B3GALT1: variants seen among roughly 807,000 people sequenced by gnomAD.
B3GALT1 encodes beta-1,3-galactosyltransferase 1.
B3GALT1 carries 10 observed loss-of-function variants against 23.2 expected under a neutral mutation model. The ratio of observed to expected loss-of-function variants is 0.43; its 90% CI spans 0.27 to 0.73. B3GALT1 has a LOEUF of 0.73. Ranked by LOEUF, B3GALT1 falls within the 30% of genes least tolerant of loss-of-function variation. The probability of loss-of-function intolerance (pLI) is 0.21; values close to 1 mark genes in which losing one functional copy is unlikely to be tolerated. For missense variants in B3GALT1, 299 were observed against 405.4 expected, an observed-to-expected ratio of 0.74 and a Z score of 2.25; for synonymous variants, 156 against 141.5, an observed-to-expected ratio of 1.10 and a Z score of -0.73.
chr2:167,608,633 G>A (rs773512278), intron 2 of B3GALT1, among the ~76,000 whole-genome samples: 1 of 152,212 alleles, frequency 6.6e-6, no homozygotes, highest in East Asian at 1.9e-4. Flanking sequence ...TTTAGCATAG[G>A]AAGTTCTGAT....
At chr2:167,728,036 C>G (rs1039158844) in intron 3 of B3GALT1, among the ~76,000 whole-genome samples, 3 of 152,150 alleles carry the variant, frequency 2.0e-5, no homozygotes, top group African/African-American at 7.2e-5. Flanking sequence ...TACCTTTAAT[C>G]GCAGTGTCTG....
At chr2:167,366,159 AG>A (rs1325626522) in intron 1 of B3GALT1, among the ~76,000 whole-genome samples, 2 of 152,230 alleles carry the variant, frequency 1.3e-5, no homozygotes, top group Admixed American at 6.5e-5. Context: ...TATGTGTAAA[AG>A]TATAGCAACA....
intron 2 of B3GALT1, among the ~76,000 whole-genome samples, chr2:167,613,195 G>A (rs1394395753): frequency 2.0e-5 from 3 of 151,746 alleles, no homozygotes; most frequent in East Asian, 1.9e-4. Flanking sequence ...TTTATCCTAC[G>A]TAAATAATTG....
intron 1 of B3GALT1, among the ~76,000 whole-genome samples, chr2:167,446,738 C>T (rs1025191622): frequency 1.3e-5 from 2 of 152,198 alleles, no homozygotes; most frequent in African/African-American, 2.4e-5. Flanking sequence ...CTTCTCTACA[C>T]TGGTTATTCT....
chr2:167,518,698 T>A (rs1700138612), intron 2 of B3GALT1, among the ~76,000 whole-genome samples: 1 of 152,198 alleles, frequency 6.6e-6, no homozygotes, highest in South Asian at 2.1e-4. Context: ...TGAATCAAGT[T>A]CTCATCCTCT....
intron 4 of B3GALT1, among the ~76,000 whole-genome samples, chr2:167,819,720 C>T (rs1374397357): frequency 3.9e-5 from 6 of 152,142 alleles, no homozygotes; most frequent in Admixed American, 2.0e-4. Context: ...TGGAAGGTGG[C>T]GGGTAGCTCT....
chr2:167,713,955 GA>G (rs1487064156), intron 3 of B3GALT1: 11 of 1,562,258 alleles, frequency 7.0e-6, no homozygotes, highest in Non-Finnish European at 8.8e-6. Flanking sequence ...GTATCCACTG[GA>G]AACAATGGAC....
chr2:167,780,605 G>A lies in B3GALT1; in HGVS notation c.-351-38067G>A, dbSNP rs1031870309. ...GATGCACACTTTATTGGTAAAGCCC[G>A]AATTATTGACTGGATTGCTATATTT... On this transcript the variant is annotated intron_variant, in intron 3 of 4. Transcript: ENST00000392690. 2.0e-5 allele frequency among the ~76,000 whole-genome samples: 3 copies of A among 152,124 alleles called. No individual in the cohort carries two copies. The East Asian group carries it at 5.8e-4, about 29-fold the overall frequency.
intron 3 of B3GALT1, among the ~76,000 whole-genome samples, chr2:167,678,820 A>C (rs1686473706): frequency 6.6e-6 from 1 of 152,178 alleles, no homozygotes; most frequent in Non-Finnish European, 1.5e-5. Flanking sequence ...TTCTGGATAC[A>C]CTTTACGTAA....
chr2:167,574,724 G>A (rs554973649), intron 2 of B3GALT1, among the ~76,000 whole-genome samples: 41 of 151,826 alleles, frequency 2.7e-4, no homozygotes, highest in Non-Finnish European at 5.6e-4. Context: ...AATTTAGGAA[G>A]TGTATAGGGC....
chr2:167,691,508 CA>C (rs11312260), intron 3 of B3GALT1, among the ~76,000 whole-genome samples: 2,586 of 152,156 alleles, frequency 0.017, 72 homozygotes, highest in African/African-American at 0.059. Context: ...AAGATCATCA[CA>C]AAAAAACTTA....
intron 2 of B3GALT1, among the ~76,000 whole-genome samples, chr2:167,619,201 C>T (rs1033308070): frequency 6.6e-6 from 1 of 151,834 alleles, no homozygotes; most frequent in Non-Finnish European, 1.5e-5. Context: ...ATAGGTTATA[C>T]TATTGATGGC....
At chr2:167,792,880 T>G (rs1341665131) in intron 3 of B3GALT1, among the ~76,000 whole-genome samples, 2 of 134,278 alleles carry the variant, frequency 1.5e-5, no homozygotes, top group African/African-American at 5.8e-5. Context: ...TTTTTTTAAC[T>G]AAGGAGGTCA....
At chr2:167,467,803 G>A (rs1011556705) in intron 1 of B3GALT1, among the ~76,000 whole-genome samples, 4 of 152,146 alleles carry the variant, frequency 2.6e-5, no homozygotes, top group Non-Finnish European at 5.9e-5. Context: ...AGTACATAGT[G>A]TGAGATTAAT....
At chr2:167,598,164 T>C (rs1412544838) in intron 2 of B3GALT1, among the ~76,000 whole-genome samples, 1 of 152,214 alleles carries the variant, frequency 6.6e-6, no homozygotes, top group Non-Finnish European at 1.5e-5. Context: ...ACATTTATTC[T>C]GTTATTGAAA....
chr2:167,469,311 A>G (rs1298312547), intron 1 of B3GALT1, among the ~76,000 whole-genome samples: 2 of 152,226 alleles, frequency 1.3e-5, no homozygotes, highest in African/African-American at 4.8e-5. Flanking sequence ...TGGGAATAAC[A>G]TTATCTGCTT....
At chr2:167,749,857 G>A (rs78380088) in intron 3 of B3GALT1, among the ~76,000 whole-genome samples, 20,532 of 152,212 alleles carry the variant, frequency 0.13, 1,593 homozygotes, top group South Asian at 0.19. Context: ...GCTGTCAGAC[G>A]CTGAGTCATG....
intron 2 of B3GALT1, among the ~76,000 whole-genome samples, chr2:167,534,969 A>G (rs1050996919): frequency 6.6e-6 from 1 of 152,174 alleles, no homozygotes; most frequent in Admixed American, 6.5e-5. Flanking sequence ...GAAGAAAGTC[A>G]TCTTGGAGGA....
chr2:167,328,998 A>G (rs138898596), intron 1 of B3GALT1, among the ~76,000 whole-genome samples: 2,046 of 152,148 alleles, frequency 0.013, 29 homozygotes, highest in South Asian at 0.038. Context: ...TTTTTAGTAG[A>G]GACAGGGTTT....
Sources: gnomAD v4.1 joint callset for allele counts (sites outside exome capture counted in the v4.1 genomes callset) on GRCh38, gnomAD v4.1.1 for gene constraint, MANE v1.5 for transcripts, NCBI Gene and HGNC (gene_info 2026-07-23, HGNC 2026-07-21) for gene names.